Variants in CUX1 observed in about 807,000 individuals in gnomAD.
The protein encoded by CUX1 is cut like homeobox 1.
In CUX1, 31 loss-of-function variants were observed where a neutral mutation model predicts 158.8. The ratio of observed to expected loss-of-function variants is 0.20; its 90% confidence interval spans 0.15 to 0.26. The LOEUF (loss-of-function observed/expected upper bound fraction) is 0.26, where lower values mean the gene tolerates loss of function less well. Among genes scored for constraint, CUX1 ranks in the 10% least tolerant of loss-of-function variants. The pLI is 1.00. For missense variants in CUX1, 1,589 were observed against 2,014.6 expected (o/e 0.79, Z 4.04); for synonymous variants, 879 against 862.1 (o/e 1.02, Z -0.34).
chr7:102,069,871 A>G (rs1825940536), intron 3 of CUX1, among the ~76,000 whole-genome samples: 3 of 152,186 alleles, frequency 2.0e-5, no homozygotes, highest in Admixed American at 2.0e-4. Context: ...CTAAGGTCAC[A>G]ACTTTACTGC....
chr7:101,944,083 A>T (rs1226703478), intron 2 of CUX1, among the ~76,000 whole-genome samples: 1 of 152,092 alleles, frequency 6.6e-6, no homozygotes, highest in Non-Finnish European at 1.5e-5. Context: ...GGGCTCAGCC[A>T]TCCCAGGTGT....
In CUX1 at chr7:102,256,119, C is replaced by G. The variant is rs1193806435; in HGVS notation, c.*7077C>G. On this transcript the variant is annotated 3_prime_UTR_variant, in exon 24 of 24. Transcript: ENST00000292535. ...ACCACTGTGCTGGGCGTGCAGGGCC[C>G]GCGGGCTCTGGCCGGAGCCGCTGGC... is the stretch of plus-strand genomic sequence containing the variant. The G allele has an allele frequency of 1.4e-5, 14 of 985,408 alleles. No homozygotes were observed. The highest frequency in any genetic ancestry group is 1.7e-5 in the Non-Finnish European group (14 of 829,926). The allele number at this position is 985,408 out of a possible 1,614,324, so 61.0% of individuals were successfully genotyped here. A position where few individuals can be genotyped will look rare whatever the true frequency, so the allele number is the denominator to read the frequency against.
At chr7:102,259,725 TTAAAA>T (rs1200420645), downstream of CUX1, among the ~76,000 whole-genome samples, 1 of 129,610 alleles carries the variant, frequency 7.7e-6, no homozygotes, top group Non-Finnish European at 1.6e-5. Flanking sequence ...GCTAACTAAA[TTAAAA>T]TAAGAAATGT....
rs1806783655 is a variant in CUX1, at chr7:101,935,286, A to G, written c.141+19061A>G. 2.0e-5 allele frequency among the ~76,000 whole-genome samples: 3 copies of G among 151,962 alleles called. No homozygotes were observed. In the South Asian group the frequency reaches 6.2e-4, roughly 32 times the overall value. On this transcript the variant is annotated intron_variant, in intron 2 of 23. Transcript: ENST00000292535. ...CCCCTTTTGACTGTAATTTTCCTTT[A>G]CCTACCCAAATCCTATAAAACGGCC... is the stretch of plus-strand genomic sequence containing the variant.
chr7:102,073,231 T>G (rs913543180), intron 4 of CUX1, among the ~76,000 whole-genome samples: 31 of 129,404 alleles, frequency 2.4e-4, no homozygotes, highest in Admixed American at 1.4e-3. Flanking sequence ...TGGAGTGCAG[T>G]GACGTGATCT....
chr7:102,219,114 A>G (rs1357641648), intron 20 of CUX1, among the ~76,000 whole-genome samples: 1 of 139,268 alleles, frequency 7.2e-6, no homozygotes, highest in Non-Finnish European at 1.6e-5. Flanking sequence ...TATAGTTGTC[A>G]CACAGACACA....
intron 2 of CUX1, among the ~76,000 whole-genome samples, chr7:101,943,617 A>G (rs547162951): frequency 1.3e-5 from 2 of 151,816 alleles, no homozygotes; most frequent in East Asian, 3.9e-4. Context: ...ACCGAGAGTC[A>G]GAGGACTCAT....
chr7:101,877,461 C>T (rs891177847), intron 1 of CUX1, among the ~76,000 whole-genome samples: 6 of 152,106 alleles, frequency 3.9e-5, no homozygotes, highest in Admixed American at 3.3e-4. Context: ...CCAAGGAAGG[C>T]GGATCACTTG....
chr7:102,022,309 C>G (rs1409992347), intron 2 of CUX1, among the ~76,000 whole-genome samples: 2 of 152,076 alleles, frequency 1.3e-5, no homozygotes. Flanking sequence ...AGTTGTGAAT[C>G]AGCAGTTTCG....
At chr7:102,192,140 G>A (rs1452411534) in intron 12 of CUX1, among the ~76,000 whole-genome samples, 1 of 152,150 alleles carries the variant, frequency 6.6e-6, no homozygotes, top group Admixed American at 6.6e-5. Flanking sequence ...CCCCTTCTCA[G>A]CATCGTCCCA....
chr7:102,074,360 A>T (rs1826465314), intron 4 of CUX1, among the ~76,000 whole-genome samples: 1 of 152,210 alleles, frequency 6.6e-6, no homozygotes, highest in Non-Finnish European at 1.5e-5. Flanking sequence ...GAGAGCCGCC[A>T]AGCTGGCCCC....
At chr7:102,045,040 G>A (rs1279369747) in intron 3 of CUX1, among the ~76,000 whole-genome samples, 1 of 152,152 alleles carries the variant, frequency 6.6e-6, no homozygotes, top group South Asian at 2.1e-4. Context: ...CTGTGGTGAT[G>A]TGGCTGCTGT....
intron 2 of CUX1, among the ~76,000 whole-genome samples, chr7:102,003,982 C>G (rs115606296): frequency 6.6e-6 from 1 of 152,284 alleles, no homozygotes; most frequent in African/African-American, 2.4e-5. Flanking sequence ...TCTCTACAAA[C>G]TATATGTATA....
intron 10 of CUX1, among the ~76,000 whole-genome samples, chr7:102,175,245 C>T (rs1292166994): frequency 2.0e-5 from 3 of 152,200 alleles, no homozygotes; most frequent in African/African-American, 7.2e-5. Flanking sequence ...TGACCTGTGT[C>T]ACTGGAAGCA....
intron 3 of CUX1, among the ~76,000 whole-genome samples, chr7:102,043,283 G>A (rs1485509271): frequency 2.0e-5 from 3 of 149,726 alleles, no homozygotes; most frequent in South Asian, 2.1e-4. Context: ...CATACATTAC[G>A]AAGTGATTTC....
rs531569910 is a variant in CUX1, at chr7:101,925,178, G to A, written c.141+8953G>A. On this transcript the variant is annotated intron_variant, in intron 2 of 23. Transcript: ENST00000292535. ...GGTTGGAGTACAGTGGCTCGATCTC[G>A]GCTCACTGAAACCTCTGCCTCCCAG... 4.9e-3 allele frequency among the ~76,000 whole-genome samples: 747 copies of A among 151,782 alleles called. 6 individuals carry two copies. The highest frequency in any genetic ancestry group is 0.017 in the African/African-American group (714 of 41,392).
At chr7:101,971,901 T>C (rs1177369627) in intron 2 of CUX1, among the ~76,000 whole-genome samples, 1 of 152,212 alleles carries the variant, frequency 6.6e-6, no homozygotes, top group Non-Finnish European at 1.5e-5. Flanking sequence ...ATACACCTCT[T>C]TCTATAGGTA....
At chr7:101,926,706 C>A (rs1019852623) in intron 2 of CUX1, among the ~76,000 whole-genome samples, 1 of 152,150 alleles carries the variant, frequency 6.6e-6, no homozygotes, top group South Asian at 2.1e-4. Context: ...TAAGTGGTGA[C>A]GTGCAGTGAC....
At chr7:101,992,777 C>G (rs1040716842) in intron 2 of CUX1, among the ~76,000 whole-genome samples, 21 of 151,912 alleles carry the variant, frequency 1.4e-4, no homozygotes, top group African/African-American at 4.6e-4. Flanking sequence ...TGATTTCCGC[C>G]CCCGCCGCCC....
Sources: allele counts gnomAD v4.1 joint callset (sites outside exome capture counted in the v4.1 genomes callset), GRCh38; gene constraint gnomAD v4.1.1; transcripts MANE v1.5; gene names NCBI Gene and HGNC (gene_info 2026-07-23, HGNC 2026-07-21).